The following MAPKAP1 variants were observed in gnomAD, a reference collection of about 807,000 sequenced individuals.
The protein encoded by MAPKAP1 is target of rapamycin complex 2 subunit MAPKAP1.
In MAPKAP1, 20 loss-of-function variants were observed where a neutral mutation model predicts 65.7. The observed-to-expected ratio is 0.30, with a 90% CI of 0.21 to 0.44. The LOEUF (loss-of-function observed/expected upper bound fraction) is 0.44, where lower values mean the gene tolerates loss of function less well. MAPKAP1 is among the 20% of genes least tolerant of loss of function. The pLI is 1.00. For synonymous variants in MAPKAP1, 222 were observed against 244.3 expected (o/e 0.91, Z 0.85); for missense variants, 423 against 648.0 (o/e 0.65, Z 3.77).
In MAPKAP1 at chr9:125,620,860, G is replaced by C. The variant is rs1030696040; in HGVS notation, c.499-35133C>G. The stretch of plus-strand genomic sequence containing the variant: ...CAACCTAGTAAAGTGGGTATGGGTA[G>C]GGACGACATGAATGGTGGACAGGAG... On this transcript the variant is annotated intron_variant, in intron 4 of 11. Coordinates refer to ENST00000265960, the MANE Select transcript of MAPKAP1 (RefSeq NM_001006617.3). Among the ~76,000 whole-genome samples, 15 of 149,216 alleles carry C rather than the reference G, an allele frequency of 1.0e-4. 1 individual carries two copies. Among genetic ancestry groups the C allele is most frequent in the Admixed American group, 4.0e-4 (6 of 14,912 alleles).
intron 7 of MAPKAP1, among the ~76,000 whole-genome samples, chr9:125,526,603 T>C (rs893447922): frequency 1.3e-5 from 2 of 152,200 alleles, no homozygotes; most frequent in Non-Finnish European, 2.9e-5. Flanking sequence ...ACATCCAACA[T>C]GTTGAAATGA....
chr9:125,662,072 T>C (rs560066914), intron 3 of MAPKAP1, among the ~76,000 whole-genome samples: 4 of 152,302 alleles, frequency 2.6e-5, no homozygotes, highest in South Asian at 2.1e-4. Context: ...TAATCGGATA[T>C]TTAATAATAT....
At chr9:125,441,608 AT>A (rs1643875208) in intron 11 of MAPKAP1, among the ~76,000 whole-genome samples, 1 of 152,006 alleles carries the variant, frequency 6.6e-6, no homozygotes, top group African/African-American at 2.4e-5. Flanking sequence ...TTCAATTTCC[AT>A]CTAAGCTCTC....
intron 4 of MAPKAP1, among the ~76,000 whole-genome samples, chr9:125,628,998 G>A (rs546029852): frequency 6.6e-6 from 1 of 150,920 alleles, no homozygotes; most frequent in South Asian, 2.1e-4. Flanking sequence ...AGAGAAACAC[G>A]AATTGAAACC....
intron 1 of MAPKAP1, among the ~76,000 whole-genome samples, chr9:125,689,996 G>A (rs1364786616): frequency 2.0e-5 from 3 of 152,026 alleles, no homozygotes; most frequent in Non-Finnish European, 4.4e-5. Flanking sequence ...GCTGAGGCAG[G>A]AGAATTGCTT....
chr9:125,461,868 C>T (rs1853509410), intron 10 of MAPKAP1, among the ~76,000 whole-genome samples: 1 of 152,166 alleles, frequency 6.6e-6, no homozygotes, highest in South Asian at 2.1e-4. Flanking sequence ...GCTGCAGCTC[C>T]AGTTATACTG....
chr9:125,484,693 A>T, intron 8 of MAPKAP1, 110 bp from the exon 9 acceptor site: 1 of 1,092,940 alleles, frequency 9.1e-7, no homozygotes, highest in Non-Finnish European at 1.3e-6. Flanking sequence ...TTTAATTTGG[A>T]GAAGAAAAGG....
At chr9:125,664,133 T>C (rs988833876) in intron 3 of MAPKAP1, among the ~76,000 whole-genome samples, 2 of 151,416 alleles carry the variant, frequency 1.3e-5, no homozygotes, top group African/African-American at 4.9e-5. Flanking sequence ...GATTACCTGA[T>C]GTCAGGAGTT....
chr9:125,450,165 A>C (rs1273680110), intron 10 of MAPKAP1, among the ~76,000 whole-genome samples: 2 of 152,164 alleles, frequency 1.3e-5, no homozygotes, highest in Non-Finnish European at 2.9e-5. Flanking sequence ...GCCAGTACTG[A>C]CTGTGGCTGG....
intron 3 of MAPKAP1, among the ~76,000 whole-genome samples, chr9:125,659,882 C>T (rs1178598479): frequency 6.6e-6 from 1 of 152,180 alleles, no homozygotes; most frequent in Non-Finnish European, 1.5e-5. Context: ...CACTACTCCA[C>T]CAAAGCAGCT....
intron 3 of MAPKAP1, among the ~76,000 whole-genome samples, chr9:125,664,013 G>A (rs949882772): frequency 2.0e-5 from 3 of 152,150 alleles, no homozygotes; most frequent in African/African-American, 7.2e-5. Context: ...AGAACTATAA[G>A]AATTTAGGGA....
intron 4 of MAPKAP1, among the ~76,000 whole-genome samples, chr9:125,604,441 T>C (rs1832389189): frequency 6.6e-6 from 1 of 152,194 alleles, no homozygotes; most frequent in Non-Finnish European, 1.5e-5. Flanking sequence ...CCAGGCTGCA[T>C]TAACATACTC....
At chr9:125,465,674 G>C (rs948126893) in intron 10 of MAPKAP1, among the ~76,000 whole-genome samples, 11 of 152,208 alleles carry the variant, frequency 7.2e-5, no homozygotes, top group African/African-American at 2.2e-4. Flanking sequence ...TAGGGAGTGA[G>C]GACACGGAAG....
chr9:125,663,854 G>A (rs148373905), intron 3 of MAPKAP1, among the ~76,000 whole-genome samples: 13 of 152,118 alleles, frequency 8.5e-5, no homozygotes, highest in Non-Finnish European at 1.5e-4. Context: ...AAGTCCTGAC[G>A]AATATAAACA....
At chr9:125,699,487 GC>G (rs1835532406) in intron 1 of MAPKAP1, among the ~76,000 whole-genome samples, 1 of 151,862 alleles carries the variant, frequency 6.6e-6, no homozygotes, top group Non-Finnish European at 1.5e-5. Context: ...CTGGTTATGA[GC>G]CACCTCACCC....
intron 4 of MAPKAP1, among the ~76,000 whole-genome samples, chr9:125,617,574 T>C (rs1463701942): frequency 2.0e-5 from 3 of 152,204 alleles, no homozygotes; most frequent in Non-Finnish European, 4.4e-5. Context: ...GCAACTGAAA[T>C]GTCCATCAAC....
At chr9:125,535,991 C>T (rs1021589299) in intron 7 of MAPKAP1, among the ~76,000 whole-genome samples, 8 of 152,188 alleles carry the variant, frequency 5.3e-5, no homozygotes, top group African/African-American at 1.9e-4. Flanking sequence ...GGAAAAGGAA[C>T]TTCTGAAAGA....
At chr9:125,535,720 G>A (rs1465127307) in intron 7 of MAPKAP1, among the ~76,000 whole-genome samples, 4 of 152,128 alleles carry the variant, frequency 2.6e-5, no homozygotes, top group African/African-American at 7.2e-5. Flanking sequence ...TATAAAATCA[G>A]GATGCAGTTT....
intron 4 of MAPKAP1, among the ~76,000 whole-genome samples, chr9:125,637,126 G>A (rs757337982): frequency 5.3e-5 from 8 of 151,862 alleles, no homozygotes; most frequent in African/African-American, 1.2e-4. Context: ...AAAGTTAGCC[G>A]GATGTGGTGG....
Sources: gnomAD v4.1 joint callset for allele counts (sites outside exome capture counted in the v4.1 genomes callset) on GRCh38, gnomAD v4.1.1 for gene constraint, MANE v1.5 for transcripts, NCBI Gene and HGNC (gene_info 2026-07-23, HGNC 2026-07-21) for gene names.